ILDR2: variants seen among roughly 807,000 people sequenced by gnomAD.
ILDR2 encodes immunoglobulin-like domain-containing receptor 2.
In ILDR2, 25 loss-of-function variants were observed where a neutral mutation model predicts 66.8. The ratio of observed to expected loss-of-function variants is 0.37; its 90% confidence interval spans 0.27 to 0.52. The LOEUF (loss-of-function observed/expected upper bound fraction) is 0.52. Among genes scored for constraint, ILDR2 ranks in the 20% least tolerant of loss-of-function variants. The pLI is 0.88. For synonymous variants in ILDR2, 367 were observed against 357.2 expected (o/e 1.03, Z -0.31); for missense variants, 827 against 876.8 (o/e 0.94, Z 0.72).
Position 166,921,019 on chromosome 1 carries a change from G to A in ILDR2, c.1572C>T (p.Tyr524=), listed in dbSNP as rs779528965. Residue 524 remains tyrosine, a synonymous_variant, in exon 9 of 10, where the codon TAC becomes TAT. Coordinates refer to ENST00000271417, the MANE Select transcript of ILDR2 (RefSeq NM_199351.3). The surrounding 1 kb of genome is among the most constrained non-coding windows in gnomAD (Gnocchi z 5.3). ...VSRTPGTAPK[Y]DHSYLGSARE... ...GCGCGCTGCCCAGGTACGAGTGGTC[G>A]TATTTGGGTGCGGTGCCTGGCGTGC... The A allele has an allele frequency of 5.9e-6, 9 of 1,514,650 alleles. No individual in the cohort carries two copies. Among genetic ancestry groups the A allele is most frequent in the South Asian group, 4.9e-5 (4 of 80,976 alleles). The allele number at this position is 1,514,650 out of a possible 1,614,324, so 93.8% of individuals were successfully genotyped here. A position where few individuals can be genotyped will look rare whatever the true frequency, so the allele number is the denominator to read the frequency against.
intron 2 of ILDR2, among the ~76,000 whole-genome samples, chr1:166,900,294 C>G (rs1445849620): frequency 1.3e-5 from 2 of 152,022 alleles, no homozygotes; most frequent in Admixed American, 6.6e-5. Context: ...CACCCCAGGC[C>G]TGTCTCACCC....
At chr1:166,973,133 G>A (rs1025511227) in intron 1 of ILDR2, among the ~76,000 whole-genome samples, 1 of 152,114 alleles carries the variant, frequency 6.6e-6, no homozygotes. Flanking sequence ...CACTTTTGGA[G>A]CAAAGAATCC....
At chr1:166,943,010 A>G (rs1661397940) in intron 3 of ILDR2, among the ~76,000 whole-genome samples, 1 of 152,246 alleles carries the variant, frequency 6.6e-6, no homozygotes, top group Non-Finnish European at 1.5e-5. Flanking sequence ...AGCAACAGTC[A>G]ATATCTGATG....
intron 6 of ILDR2, among the ~76,000 whole-genome samples, chr1:166,930,489 A>C (rs555985288): frequency 5.9e-5 from 9 of 152,340 alleles, no homozygotes; most frequent in African/African-American, 2.2e-4. Flanking sequence ...CAGTAGCTAA[A>C]AACCTGGGCA....
intron 7 of ILDR2, among the ~76,000 whole-genome samples, chr1:166,923,763 C>T (rs990388810): frequency 6.6e-6 from 1 of 152,164 alleles, no homozygotes; most frequent in Non-Finnish European, 1.5e-5. Flanking sequence ...AAAAAATAAA[C>T]AAAAACTCAA....
intron 1 of ILDR2, among the ~76,000 whole-genome samples, chr1:166,962,853 C>T (rs1662701820): frequency 1.3e-5 from 2 of 152,176 alleles, no homozygotes; most frequent in Admixed American, 1.3e-4. Context: ...TAAACATTTT[C>T]AGCCTCTTTG....
intron 1 of ILDR2, among the ~76,000 whole-genome samples, chr1:166,973,131 G>A (rs1663402334): frequency 6.6e-6 from 1 of 152,070 alleles, no homozygotes; most frequent in African/African-American, 2.4e-5. Context: ...CTCACTTTTG[G>A]AGCAAAGAAT....
downstream of ILDR2, among the ~76,000 whole-genome samples, chr1:166,905,208 G>C (rs1343081848): frequency 1.3e-5 from 2 of 151,958 alleles, no homozygotes; most frequent in African/African-American, 4.8e-5. Flanking sequence ...AACTCTGCTA[G>C]CCCATTCTGG....
intron 2 of ILDR2, among the ~76,000 whole-genome samples, chr1:166,896,636 T>C (rs1443573880): frequency 8.6e-6 from 1 of 115,672 alleles, no homozygotes; most frequent in Admixed American, 8.2e-5. Context: ...CTTCATCTAC[T>C]TTTTTTTTTT....
intron 1 of ILDR2, among the ~76,000 whole-genome samples, chr1:166,966,196 G>C (rs1018946566): frequency 6.6e-6 from 1 of 152,052 alleles, no homozygotes; most frequent in Non-Finnish European, 1.5e-5. Context: ...CTTGGAATCT[G>C]CCTATTTTCT....
chr1:166,972,291 A>G (rs1428919546), intron 1 of ILDR2, among the ~76,000 whole-genome samples: 3 of 152,202 alleles, frequency 2.0e-5, no homozygotes, highest in African/African-American at 7.2e-5. Context: ...AGAAGCCTCC[A>G]GGAAAACACA....
rs1020734858 is a variant in ILDR2 at position 166,909,593 on chromosome 1, T to C, written c.*9762A>G. On this transcript the variant is annotated 3_prime_UTR_variant, in exon 10 of 10. Transcript: ENST00000271417. ...GAATGAGAAAAGCTAGGTGCCTAAGTCATACCAGCAACAAAAAGAGGCTGG... is the reference window on the plus strand; with the variant it reads ...GAATGAGAAAAGCTAGGTGCCTAAGCCATACCAGCAACAAAAAGAGGCTGG... The C allele has an allele frequency of 1.3e-5, 2 of 151,710 alleles. No homozygotes were observed. Among genetic ancestry groups the C allele is most frequent in the East Asian group, 3.9e-4 (2 of 5,142 alleles). The allele number at this position is 151,710 out of a possible 1,614,324, so 9.4% of individuals were successfully genotyped here.
downstream of ILDR2, among the ~76,000 whole-genome samples, chr1:166,906,241 A>T (rs1285564262): frequency 6.6e-6 from 1 of 152,212 alleles, no homozygotes; most frequent in African/African-American, 2.4e-5. Flanking sequence ...GAAAAAGAAT[A>T]CTTTCAAAGA....
chr1:166,949,326 CA>C (rs2101951246), intron 3 of ILDR2, among the ~76,000 whole-genome samples: 1 of 152,360 alleles, frequency 6.6e-6, no homozygotes, highest in South Asian at 2.1e-4. Flanking sequence ...ATTTAATATC[CA>C]AATACAGCTT....
At chr1:166,923,446 G>A (rs1571109180) in intron 7 of ILDR2, among the ~76,000 whole-genome samples, 1 of 152,212 alleles carries the variant, frequency 6.6e-6, no homozygotes, top group African/African-American at 2.4e-5. Flanking sequence ...GCTCATTTAG[G>A]AACCTGGAAG....
intron 2 of ILDR2, among the ~76,000 whole-genome samples, chr1:166,901,460 C>T (rs534747615): frequency 1.3e-5 from 2 of 152,312 alleles, no homozygotes; most frequent in East Asian, 3.9e-4. Context: ...AATCTGTCTG[C>T]CTGGAGAGCA....
At chr1:166,962,443 G>C (rs944236670) in intron 1 of ILDR2, among the ~76,000 whole-genome samples, 2 of 152,082 alleles carry the variant, frequency 1.3e-5, no homozygotes, top group Admixed American at 6.6e-5. Context: ...CTGAGGGTTG[G>C]GTATTGTTTC....
intron 2 of ILDR2, among the ~76,000 whole-genome samples, chr1:166,897,343 CG>C (rs1334794111): frequency 6.6e-6 from 1 of 152,022 alleles, no homozygotes; most frequent in Non-Finnish European, 1.5e-5. Context: ...TCTCTGGTTC[CG>C]GGGAGGTAAA....
intron 9 of ILDR2, among the ~76,000 whole-genome samples, chr1:166,920,208 CA>C (rs1325479703): frequency 6.6e-6 from 1 of 152,184 alleles, no homozygotes; most frequent in Non-Finnish European, 1.5e-5. Context: ...TTGTCCTTTG[CA>C]AACAGCAGTG....
Sources: allele counts gnomAD v4.1 joint callset (sites outside exome capture counted in the v4.1 genomes callset), GRCh38; gene constraint gnomAD v4.1.1; non-coding constraint Gnocchi (gnomAD v3.1); transcripts MANE v1.5; gene names NCBI Gene and HGNC (gene_info 2026-07-23, HGNC 2026-07-21).